Variants in STARD8 observed in about 807,000 individuals in gnomAD.
STARD8 encodes the protein StAR related lipid transfer domain containing 8.
A neutral mutation model predicts 69.4 loss-of-function variants in STARD8; 25 were observed. That is an observed-to-expected ratio of 0.36 (90% CI 0.26 to 0.50). The LOEUF is 0.50. Among genes scored for constraint, STARD8 ranks in the 20% least tolerant of loss-of-function variants. The probability of loss-of-function intolerance (pLI) is 0.96; values close to 1 mark genes in which losing one functional copy is unlikely to be tolerated. For synonymous variants in STARD8, 389 were observed against 374.6 expected, an observed-to-expected ratio of 1.04 and a Z score of -0.45; for missense variants, 921 against 932.5, an observed-to-expected ratio of 0.99 and a Z score of 0.16.
At chrX:68,701,935 T>C (rs888196882) in intron 2 of STARD8, among the ~76,000 whole-genome samples, 3 of 111,439 alleles carry the variant, frequency 2.7e-5, no homozygotes, top group African/African-American at 9.8e-5. Flanking sequence ...TGGGAGGAGG[T>C]TGTCCAGAAG....
chrX:68,650,830 A>ACAAAACAAAG (rs2079544091), intron 1 of STARD8, among the ~76,000 whole-genome samples: 2 of 109,940 alleles, frequency 1.8e-5, no homozygotes, highest in South Asian at 7.6e-4. Context: ...ACAAAACAAA[A>ACAAAACAAAG]CAAAACAAAA....
chrX:68,652,815 C>A (rs1199361261), intron 1 of STARD8, among the ~76,000 whole-genome samples: 1 of 56,597 alleles, frequency 1.8e-5, no homozygotes, highest in African/African-American at 6.9e-5. Context: ...CACACACACA[C>A]CCCACACACC....
In STARD8 at chrX:68,718,362, AGGCCCCGGCCCCAGCCCC is replaced by A. The variant is rs780681745; in HGVS notation, c.1466_1483del (p.Pro489_Ala494del). On this transcript the variant is annotated inframe_deletion, in exon 6 of 15. Transcript: ENST00000374599. ...GAACCAGTGGCACAGGAAGAGGCTG[AGGCCCCGGCCCCAGCCCC>A]GGCCCCGGCCCCAGCCCAGGACAGT... 5.8e-5 allele frequency: 70 copies of A among 1,204,216 alleles called. No homozygotes were observed. Among genetic ancestry groups the A allele is most frequent in the South Asian group, 3.6e-4 (20 of 56,168 alleles).
rs776189204 is a variant in STARD8 at position 68,716,424 on chromosome X, G to T, written c.290G>T (p.Ser97Ile). 7 of 1,210,909 alleles carry T rather than the reference G, an allele frequency of 5.8e-6. No individual in the cohort carries two copies. The highest frequency in any genetic ancestry group is 7.8e-6 in the Non-Finnish European group (7 of 895,085). ...ATGAAACTGGAGGTTCATTTTCAAAGCAAGCAGGTGAGTCATGGCAAAGCG... is the reference window on the plus strand; with the variant it reads ...ATGAAACTGGAGGTTCATTTTCAAATCAAGCAGGTGAGTCATGGCAAAGCG... ...ASMKLEVHFQ[S>I]KQNEDSEEEE... The change falls in exon 5 of 15, where the codon AGC (serine) becomes ATC (isoleucine). Residue 97 changes from serine (S) to isoleucine (I), a missense_variant. Transcript: ENST00000374599.
chrX:68,648,034 C>T (rs1344574060), intron 1 of STARD8, 107 bp downstream of exon 1: 1 of 946,756 alleles, frequency 1.1e-6, no homozygotes, highest in East Asian at 3.5e-5. Flanking sequence ...GCTTCTGAGA[C>T]TACCTGAGGC....
Position 68,714,590 on chromosome X carries a change from A to T in STARD8, c.152-704A>T, listed in dbSNP as rs143403053. On this transcript the variant is annotated intron_variant, in intron 3 of 14. Transcript: ENST00000374599. ...ATCTTGGTTTTAAGTACTGTTGCTT[A>T]TCTTTTTCCTTTAAGAGTGTAAACT... Among the ~76,000 whole-genome samples the T allele has an allele frequency of 5.9e-3, 659 of 112,503 alleles. 5 individuals are homozygous for T. Among genetic ancestry groups the T allele is most frequent in the Non-Finnish European group, 0.01 (546 of 53,315 alleles).
intron 1 of STARD8, among the ~76,000 whole-genome samples, chrX:68,662,462 A>T (rs2079657686): frequency 9.0e-6 from 1 of 111,711 alleles, no homozygotes; most frequent in Non-Finnish European, 1.9e-5. Context: ...TCAAGTTCTT[A>T]AGATGACCTA....
In STARD8 at chrX:68,717,614, G is replaced by A; in HGVS notation, c.700G>A (p.Ala234Thr). Residue 234 changes from alanine to threonine, a missense_variant, in exon 6 of 15, where the codon GCC (alanine) becomes ACC (threonine). Ala to Thr is a moderately conservative substitution (Grantham distance 58, BLOSUM62 0). Transcript: ENST00000374599. ...SQQAEPKHSPATSEKVSKASS... is the reference protein window; with the variant it reads ...SQQAEPKHSPTTSEKVSKASS... ...GCAAGCAGAGCCCAAGCATAGTCCAGCCACCTCAGAGAAGGTCTCCAAAGC... is the reference window on the plus strand; with the variant it reads ...GCAAGCAGAGCCCAAGCATAGTCCAACCACCTCAGAGAAGGTCTCCAAAGC... 8.3e-7 allele frequency: 1 copy of A among 1,212,083 alleles called. No homozygotes were observed. The highest frequency in any genetic ancestry group is 1.1e-6 in the Non-Finnish European group (1 of 895,612).
rs973296769 is a variant in STARD8 at position 68,717,871 on chromosome X, G to C, written c.957G>C (p.Leu319=). ...TFPRSLSIES[L]CPEDGHRLAD... is the part of the protein sequence containing the mutation. ...CTCGCTCCCTGTCCATTGAGAGCCT[G>C]TGTCCTGAGGATGGACACCGCCTGG... Residue 319 remains leucine, a synonymous_variant, in exon 6 of 15, where the codon CTG becomes CTC. Transcript: ENST00000374599. 1.7e-6 allele frequency: 2 copies of C among 1,208,432 alleles called. No homozygotes were observed. Among genetic ancestry groups the C allele is most frequent in the African/African-American group, 3.5e-5 (2 of 57,332 alleles).
chrX:68,720,646 G>A (rs866834533), intron 8 of STARD8, among the ~76,000 whole-genome samples: 1 of 113,047 alleles, frequency 8.8e-6, no homozygotes, highest in Non-Finnish European at 1.9e-5. Context: ...TCTGGCCCAG[G>A]CTCTGTAGTC....
In STARD8 at chrX:68,725,260, G is replaced by A. The variant is rs2080190040; in HGVS notation, c.*838G>A. 2.7e-5 allele frequency: 3 copies of A among 110,001 alleles called. No individual in the cohort carries two copies. The Admixed American group carries it at 2.9e-4, about 11-fold the overall frequency. 9.1% of individuals were successfully genotyped at this position (110,001 alleles called of 1,213,427 possible). On this transcript the variant is annotated 3_prime_UTR_variant, in exon 15 of 15. Coordinates refer to ENST00000374599, the MANE Select transcript of STARD8 (RefSeq NM_001142503.3). ...GTGTGGTTAAGAGACAAGGGTCTAT[G>A]TCATCATCCCTTTTGCTTATGGTAG...
chrX:68,650,356 T>C (rs1015088409), intron 1 of STARD8, among the ~76,000 whole-genome samples: 2 of 106,754 alleles, frequency 1.9e-5, no homozygotes, highest in Non-Finnish European at 3.9e-5. Context: ...AGCCCAGGAG[T>C]TCAAGGCTGC....
chrX:68,699,603 G>T, intron 2 of STARD8, among the ~76,000 whole-genome samples: 1 of 110,728 alleles, frequency 9.0e-6, no homozygotes, highest in Non-Finnish European at 1.9e-5. Flanking sequence ...AAGCGTCTGC[G>T]CTCCTTCTCA....
chrX:68,689,169 G>T (rs1247453889), intron 2 of STARD8, among the ~76,000 whole-genome samples: 2 of 105,954 alleles, frequency 1.9e-5, no homozygotes, highest in Admixed American at 2.0e-4. Context: ...TGGAGGGCAG[G>T]AATGGGGTGG....
In STARD8 at chrX:68,712,978, T is replaced by C; in HGVS notation, c.144T>C (p.Leu48=). The change falls in exon 3 of 15, where the codon CTT becomes CTC. Residue 48 remains leucine, a synonymous_variant. Coordinates refer to ENST00000374599, the MANE Select transcript of STARD8 (RefSeq NM_001142503.3). The part of the protein sequence containing the change: ...QATGFPQYVQ[L]FEEGSFPLDI... The stretch of plus-strand genomic sequence containing the variant: ...CAGGATTCCCTCAGTATGTGCAGCT[T>C]TTTGAAGGTAAGGCCACTCAACTGT... 8.3e-7 allele frequency: 1 copy of C among 1,205,094 alleles called. No individual in the cohort carries two copies. The highest frequency in any genetic ancestry group is 1.1e-6 in the Non-Finnish European group (1 of 891,889).
chrX:68,654,637 A>G (rs1442257467), intron 1 of STARD8, among the ~76,000 whole-genome samples: 2 of 111,818 alleles, frequency 1.8e-5, no homozygotes, highest in Non-Finnish European at 3.8e-5. Context: ...CCAAGTATGC[A>G]TGAGACTTCC....
At position 68,717,457 on chromosome X, in the gene STARD8, G is replaced by T. The variant is rs1335290322; in HGVS notation, c.543G>T (p.Ser181=). 2 of 1,210,357 alleles carry T rather than the reference G, an allele frequency of 1.7e-6. No individual in the cohort carries two copies. Among genetic ancestry groups the T allele is most frequent in the Non-Finnish European group, 1.1e-6 (1 of 895,194 alleles). The change falls in exon 6 of 15, where the codon TCG becomes TCT. Residue 181 remains serine (S), a synonymous_variant. Transcript: ENST00000374599. Reference sequence around the variant, plus strand: ...CCTTGCCAGGCCGTGCCCCCAGCTCGAGTGACCGGCCCCTCCTCAGCCCCA... The same window carrying T: ...CCTTGCCAGGCCGTGCCCCCAGCTCTAGTGACCGGCCCCTCCTCAGCCCCA... ...DLPLPGRAPS[S]SDRPLLSPTQ...
At chrX:68,654,322 G>A (rs1024848626) in intron 1 of STARD8, among the ~76,000 whole-genome samples, 3 of 110,841 alleles carry the variant, frequency 2.7e-5, no homozygotes, top group Admixed American at 1.9e-4. Flanking sequence ...CAGTACTGGG[G>A]GAATGTCTCT....
At chrX:68,710,246 A>G (rs1215414965) in intron 2 of STARD8, among the ~76,000 whole-genome samples, 2 of 112,365 alleles carry the variant, frequency 1.8e-5, no homozygotes, top group Non-Finnish European at 3.8e-5. Flanking sequence ...CAATGTGGAG[A>G]GTCCTACCGC....
Sources: allele counts gnomAD v4.1 joint callset (sites outside exome capture counted in the v4.1 genomes callset), GRCh38; gene constraint gnomAD v4.1.1; transcripts MANE v1.5; gene names NCBI Gene and HGNC (gene_info 2026-07-23, HGNC 2026-07-21).